L3MBTL3: variants seen among roughly 807,000 people sequenced by gnomAD.
L3MBTL3 encodes the protein L3MBTL histone methyl-lysine binding protein 3.
In L3MBTL3, 27 loss-of-function variants were observed where a neutral mutation model predicts 102.3. The observed-to-expected ratio is 0.26, with a 90% CI of 0.19 to 0.36. The LOEUF is 0.36. Ranked by LOEUF, L3MBTL3 falls within the 10% of genes least tolerant of loss-of-function variation. The probability of loss-of-function intolerance (pLI) is 1.00; values close to 1 mark genes in which losing one functional copy is unlikely to be tolerated. For synonymous variants in L3MBTL3, 340 were observed against 320.9 expected, an observed-to-expected ratio of 1.06 and a Z score of -0.64; for missense variants, 798 against 955.3, an observed-to-expected ratio of 0.84 and a Z score of 2.17.
chr6:130,125,661 G>GTTCATTCTCATTT (rs1786549317), intron 20 of L3MBTL3, among the ~76,000 whole-genome samples: 1 of 152,178 alleles, frequency 6.6e-6, no homozygotes, highest in Non-Finnish European at 1.5e-5. Context: ...ACCTACAGGT[G>GTTCATTCTCATTT]CCCACCAGTG....
rs919712306 is a variant in L3MBTL3 at position 130,055,044 on chromosome 6, C to T, written c.583-127C>T. On this transcript the variant is annotated intron_variant, in intron 7 of 22. Transcript: ENST00000361794. The stretch of plus-strand genomic sequence containing the variant: ...TTCAGATGAACTATATTCTTACTTT[C>T]CTTAAAAGTTACAAAGTAAAACTGA... 1.5e-5 allele frequency: 11 copies of T among 710,980 alleles called. No homozygotes were observed. The African/African-American group carries it at 1.8e-4, about 12-fold the overall frequency. 44.0% of individuals were successfully genotyped at this position (710,980 alleles called of 1,614,324 possible).
intron 2 of L3MBTL3, among the ~76,000 whole-genome samples, chr6:130,027,402 TG>T (rs1241393643): frequency 6.6e-6 from 1 of 152,216 alleles, no homozygotes. Flanking sequence ...CAAAATCAGT[TG>T]ATTATTTTTC....
At chr6:130,130,410 A>T (rs936358177) in intron 20 of L3MBTL3, among the ~76,000 whole-genome samples, 1 of 152,214 alleles carries the variant, frequency 6.6e-6, no homozygotes, top group African/African-American at 2.4e-5. Context: ...CAAATTATAA[A>T]GTCAGCCCTA....
intron 1 of L3MBTL3, chr6:130,020,580 C>G (rs1001762893): frequency 1.5e-5 from 1 of 67,996 alleles, no homozygotes; most frequent in Non-Finnish European, 3.0e-5. Flanking sequence ...TCGGTCTGTC[C>G]GTCGCGCTCA....
rs140030546 is a variant in L3MBTL3, at chr6:130,132,867, T to G, written c.1967-585T>G. On this transcript the variant is annotated intron_variant, in intron 20 of 22. Coordinates refer to ENST00000361794, the MANE Select transcript of L3MBTL3 (RefSeq NM_032438.4). Reference sequence around the variant, plus strand: ...ATTTTGATCTGAACAAGTAAAAAATTACAAAAACATTTGCATTTCTGCTGT... The same window carrying G: ...ATTTTGATCTGAACAAGTAAAAAATGACAAAAACATTTGCATTTCTGCTGT... 2.0e-5 allele frequency among the ~76,000 whole-genome samples: 3 copies of G among 152,252 alleles called. No homozygotes were observed. In the East Asian group the frequency reaches 5.8e-4, roughly 29 times the overall value.
At chr6:130,078,861 T>C (rs949927352) in intron 14 of L3MBTL3, among the ~76,000 whole-genome samples, 4 of 152,220 alleles carry the variant, frequency 2.6e-5, no homozygotes, top group African/African-American at 9.6e-5. Context: ...GCAGCCAACC[T>C]GCAGGCGTTA....
At chr6:130,121,224 C>T (rs371842551) in intron 20 of L3MBTL3, among the ~76,000 whole-genome samples, 1 of 152,164 alleles carries the variant, frequency 6.6e-6, no homozygotes, top group African/African-American at 2.4e-5. Flanking sequence ...TCTGCCTCCT[C>T]CTGGCCTCCC....
At chr6:130,116,811 T>C (rs1386863945) in intron 19 of L3MBTL3, among the ~76,000 whole-genome samples, 1 of 151,782 alleles carries the variant, frequency 6.6e-6, no homozygotes, top group Non-Finnish European at 1.5e-5. Flanking sequence ...TGAAACGAAA[T>C]TGTTGATAAT....
intron 19 of L3MBTL3, among the ~76,000 whole-genome samples, 181 bp from the exon 20 acceptor site, chr6:130,120,698 G>T (rs1251124392): frequency 6.6e-6 from 1 of 152,162 alleles, no homozygotes; most frequent in African/African-American, 2.4e-5. Context: ...TGATAATGAG[G>T]AAAATGGGCA....
Position 130,049,774 on chromosome 6 carries a change from G to C in L3MBTL3, c.233G>C (p.Ser78Thr), listed in dbSNP as rs1780975644. The change falls in exon 5 of 23, where the codon AGC (serine) becomes ACC (threonine). Residue 78 changes from serine (S) to threonine (T), a missense_variant. By Grantham distance (58) the Ser-to-Thr change is moderately conservative. Transcript: ENST00000361794. Reference sequence around the variant, plus strand: ...TCTCCAGCCCCGACCTCTCCCCCGAGCTCCAGGCCCGTATTTCCACCTGCC... The same window carrying C: ...TCTCCAGCCCCGACCTCTCCCCCGACCTCCAGGCCCGTATTTCCACCTGCC... ...TAQEAPTSPP[S>T]SRPVFPPAYW... 6.2e-7 allele frequency: 1 copy of C among 1,613,780 alleles called. No individual in the cohort carries two copies. Among genetic ancestry groups the C allele is most frequent in the Non-Finnish European group, 8.5e-7 (1 of 1,179,934 alleles).
At chr6:130,110,581 A>G (rs1227533527) in intron 19 of L3MBTL3, among the ~76,000 whole-genome samples, 1 of 152,206 alleles carries the variant, frequency 6.6e-6, no homozygotes, top group East Asian at 1.9e-4. Flanking sequence ...TTATCAGCTT[A>G]AGGAGATTTT....
chr6:130,051,111 C>A, intron 5 of L3MBTL3, 138 bp from the exon 6 acceptor site: 1 of 643,946 alleles, frequency 1.6e-6, no homozygotes, highest in Non-Finnish European at 2.6e-6. Flanking sequence ...AAAACACTAT[C>A]ATTTGATCAT....
At chr6:130,035,089 A>G (rs1483381246) in intron 2 of L3MBTL3, among the ~76,000 whole-genome samples, 1 of 152,250 alleles carries the variant, frequency 6.6e-6, no homozygotes, top group Non-Finnish European at 1.5e-5. Context: ...ATGGGAAGAC[A>G]TGCCTTTTGT....
intron 3 of L3MBTL3, among the ~76,000 whole-genome samples, chr6:130,048,705 G>T (rs1038400201): frequency 7.2e-5 from 11 of 152,156 alleles, no homozygotes; most frequent in African/African-American, 2.7e-4. Flanking sequence ...GTGAAAGAAA[G>T]AGGAAATGTG....
intron 1 of L3MBTL3, among the ~76,000 whole-genome samples, chr6:130,021,738 G>A (rs1779030664): frequency 6.6e-6 from 1 of 152,194 alleles, no homozygotes; most frequent in African/African-American, 2.4e-5. Flanking sequence ...GTATAGTTAT[G>A]TATAGTCCGA....
chr6:130,065,568 CATT>C (rs1156356489), intron 10 of L3MBTL3, among the ~76,000 whole-genome samples: 1 of 152,314 alleles, frequency 6.6e-6, no homozygotes, highest in East Asian at 1.9e-4. Flanking sequence ...CTAAGTTCAT[CATT>C]CAGGGTTCTG....
At chr6:130,050,167 C>G (rs1378255685) in intron 5 of L3MBTL3, among the ~76,000 whole-genome samples, 5 of 152,200 alleles carry the variant, frequency 3.3e-5, no homozygotes, top group Non-Finnish European at 7.3e-5. Flanking sequence ...TCCAATTGGT[C>G]CTGCACCTTG....
At chr6:130,063,228 G>T (rs1411602611) in intron 10 of L3MBTL3, among the ~76,000 whole-genome samples, 2 of 152,158 alleles carry the variant, frequency 1.3e-5, no homozygotes, top group Non-Finnish European at 2.9e-5. Flanking sequence ...GATACAGAGA[G>T]GCTTGTCTGT....
At chr6:130,104,608 A>T in intron 19 of L3MBTL3, 33 bp downstream of exon 19, 1 of 1,431,872 alleles carries the variant, frequency 7.0e-7, no homozygotes, top group Non-Finnish European at 9.3e-7. Flanking sequence ...CATTGTTTAG[A>T]AGTACTCTAA....
Sources: gnomAD v4.1 joint callset for allele counts (sites outside exome capture counted in the v4.1 genomes callset) on GRCh38, gnomAD v4.1.1 for gene constraint, MANE v1.5 for transcripts, NCBI Gene and HGNC (gene_info 2026-07-23, HGNC 2026-07-21) for gene names.